The following KDM5B variants were observed in gnomAD, a reference collection of about 807,000 sequenced individuals.
KDM5B encodes lysine demethylase 5B, also known as lysine-specific demethylase 5B.
KDM5B carries 144 observed loss-of-function variants against 193.4 expected under a neutral mutation model. The observed-to-expected ratio is 0.74, with a 90% CI of 0.65 to 0.86. KDM5B has a LOEUF of 0.86. Ranked by LOEUF, KDM5B falls within the 40% of genes least tolerant of loss-of-function variation. The pLI is 0.00. For synonymous variants in KDM5B, 668 were observed against 682.6 expected (o/e 0.98, Z 0.33); for missense variants, 1,833 against 1,886.9 (o/e 0.97, Z 0.53).
intron 1 of KDM5B, among the ~76,000 whole-genome samples, chr1:202,782,814 C>T (rs937525912): frequency 1.3e-5 from 2 of 152,212 alleles, no homozygotes; most frequent in Admixed American, 6.5e-5. Flanking sequence ...TTGCAGATTA[C>T]ATGCAGTTCC....
chr1:202,784,764 G>A (rs1021628233), intron 1 of KDM5B, among the ~76,000 whole-genome samples: 1 of 152,208 alleles, frequency 6.6e-6, no homozygotes, highest in African/African-American at 2.4e-5. Context: ...ACAGGGCCAG[G>A]AACGGTGGCT....
In KDM5B at chr1:202,731,915, A is replaced by G; in HGVS notation, c.3934T>C (p.Ser1312Pro). ...TCCCAGTCATCAGGCAAAGAAAATG[A>G]TGTTGTGCCAGGAGGTTGAGATACC... is the stretch of plus-strand genomic sequence containing the variant. ...NKVSQPPGTT[S>P]FSLPDDWDNR... Residue 1312 changes from serine to proline, a missense_variant, in exon 24 of 27, where the codon TCA (serine) becomes CCA (proline). By Grantham distance (74) the Ser-to-Pro change is moderately conservative (BLOSUM62 -1). Transcript: ENST00000367265. 1 of 1,613,122 alleles carries G rather than the reference A, an allele frequency of 6.2e-7. No homozygotes were observed. The highest frequency in any genetic ancestry group is 1.1e-5 in the South Asian group (1 of 90,944).
Position 202,746,342 on chromosome 1 carries a change from T to G in KDM5B, c.2017-19A>C, listed in dbSNP as rs764187163. 3.0e-5 allele frequency: 46 copies of G among 1,547,852 alleles called. No homozygotes were observed. The highest frequency in any genetic ancestry group is 1.7e-4 in the Middle Eastern group (1 of 5,836). ...TCACTCCCTAGAATAAAGTATACTT[T>G]AGAGAGACCTCCAAAGGATAATATA... On this transcript the variant is annotated intron_variant, in intron 14 of 26. Coordinates refer to ENST00000367265, the MANE Select transcript of KDM5B (RefSeq NM_006618.5).
chr1:202,741,265 C>G, intron 19 of KDM5B, 102 bp downstream of exon 19: 2 of 721,638 alleles, frequency 2.8e-6, no homozygotes, highest in South Asian at 2.7e-5. Context: ...GCATAATAAC[C>G]GCAGCTACTG....
rs553867297 is a variant in KDM5B, at chr1:202,732,521, T to G, written c.3910-582A>C. 5.3e-5 allele frequency among the ~76,000 whole-genome samples: 8 copies of G among 152,302 alleles called. No homozygotes were observed. In the East Asian group the frequency reaches 1.5e-3, roughly 29 times the overall value. On this transcript the variant is annotated intron_variant, in intron 23 of 26. Coordinates refer to ENST00000367265, the MANE Select transcript of KDM5B (RefSeq NM_006618.5). ...GAGTGTGCACAAATGCCACAACTCA[T>G]CTATGCAACAAATATTTAATTCATC...
chr1:202,782,503 C>T lies in KDM5B; in HGVS notation c.205-5409G>A, dbSNP rs115089580. Among the ~76,000 whole-genome samples, 200 of 152,222 alleles carry T rather than the reference C, an allele frequency of 1.3e-3. 2 individuals are homozygous for T. Among genetic ancestry groups the T allele is most frequent in the Middle Eastern group, 3.4e-3 (1 of 294 alleles). ...GTGTGAGGCATGGCAGAAGCCAAGC[C>T]ATGACTTTTAAATGGGGGGTAGGGG... is the stretch of plus-strand genomic sequence containing the variant. On this transcript the variant is annotated intron_variant, in intron 1 of 26. Coordinates refer to ENST00000367265, the MANE Select transcript of KDM5B (RefSeq NM_006618.5).
intron 5 of KDM5B, among the ~76,000 whole-genome samples, 156 bp from the exon 6 acceptor site, chr1:202,764,301 C>G (rs538560055): frequency 1.3e-5 from 2 of 152,240 alleles, no homozygotes; most frequent in South Asian, 4.1e-4. Flanking sequence ...AGAGAGCTCA[C>G]CTTTGAAACT....
chr1:202,752,543 T>C (rs1655834685), intron 12 of KDM5B, among the ~76,000 whole-genome samples: 1 of 152,224 alleles, frequency 6.6e-6, no homozygotes, highest in Non-Finnish European at 1.5e-5. Flanking sequence ...TGTATAGTTG[T>C]CACTTCATTT....
rs1024505285 is a variant in KDM5B, at chr1:202,767,377, C to G, written c.577-317G>C. On this transcript the variant is annotated intron_variant, in intron 4 of 26. Coordinates refer to ENST00000367265, the MANE Select transcript of KDM5B (RefSeq NM_006618.5). ...AGGGCCCTCCTCACAGTGGCTCCTA[C>G]GGACCACAGAGGCTGTGAACCTCCG... is the stretch of plus-strand genomic sequence containing the variant. 6.6e-6 allele frequency: 10 copies of G among 1,514,118 alleles called. No individual in the cohort carries two copies. The East Asian group carries it at 1.1e-4, about 17-fold the overall frequency. The allele number at this position is 1,514,118 out of a possible 1,614,324, so 93.8% of individuals were successfully genotyped here. A position where few individuals can be genotyped will look rare whatever the true frequency, so the allele number is the denominator to read the frequency against.
intron 1 of KDM5B, 135 bp downstream of exon 1, chr1:202,807,967 T>C: frequency 1.2e-6 from 1 of 857,986 alleles, no homozygotes; most frequent in Non-Finnish European, 1.7e-6. Context: ...TCCGACCTTC[T>C]AGGCAGCCCC....
Position 202,729,136 on chromosome 1 carries a change from C to G in KDM5B, c.4535G>C (p.Trp1512Ser). ...GACACCAACACAGACCTGATGAAACCACTGATTGCAGCTGCCATCACACTG... is the reference window on the plus strand; with the variant it reads ...GACACCAACACAGACCTGATGAAACGACTGATTGCAGCTGCCATCACACTG... ...WVQCDGSCNQ[W>S]FHQVCVGVSP... The change falls in exon 27 of 27, where the codon TGG becomes TCG. Residue 1512 changes from tryptophan to serine, a missense_variant. This residue lies in a region of KDM5B where 1,379 missense variants were observed against 1,349.6 expected (regional missense o/e 1.02). Coordinates refer to ENST00000367265, the MANE Select transcript of KDM5B (RefSeq NM_006618.5). 6.2e-7 allele frequency: 1 copy of G among 1,614,138 alleles called. No individual in the cohort carries two copies. Among genetic ancestry groups the G allele is most frequent in the Non-Finnish European group, 8.5e-7 (1 of 1,180,002 alleles).
chr1:202,730,841 G>A (rs1005726493), intron 25 of KDM5B, 68 bp downstream of exon 25: 10 of 1,445,904 alleles, frequency 6.9e-6, no homozygotes, highest in South Asian at 2.8e-5. Flanking sequence ...GTTATGTTTC[G>A]AGGAGTAAAA....
At chr1:202,772,080 T>C (rs1656743804) in intron 4 of KDM5B, among the ~76,000 whole-genome samples, 1 of 152,158 alleles carries the variant, frequency 6.6e-6, no homozygotes, top group African/African-American at 2.4e-5. Context: ...GTGTATAGTA[T>C]TAGGACAGGA....
rs1361532994 is a variant in KDM5B, at chr1:202,727,231, A to G, written c.*1805T>C. 9 of 152,206 alleles carry G rather than the reference A, an allele frequency of 5.9e-5. No homozygotes were observed. Among genetic ancestry groups the G allele is most frequent in the Admixed American group, 5.9e-4 (9 of 15,278 alleles). 9.4% of individuals were successfully genotyped at this position (152,206 alleles called of 1,614,324 possible). On this transcript the variant is annotated 3_prime_UTR_variant, in exon 27 of 27. Coordinates refer to ENST00000367265, the MANE Select transcript of KDM5B (RefSeq NM_006618.5). The stretch of plus-strand genomic sequence containing the variant: ...TGAGGACTGGGACAGTTGGCATCCT[A>G]TCTCAAAGTCGGGGGTGATGGAGGG...
intron 1 of KDM5B, among the ~76,000 whole-genome samples, chr1:202,780,753 G>A (rs902880242): frequency 1.4e-4 from 21 of 148,652 alleles, no homozygotes; most frequent in African/African-American, 4.9e-4. Flanking sequence ...CATGTATTAG[G>A]TTGGTGCAAA....
At chr1:202,743,075 C>A (rs529173616) in intron 16 of KDM5B, among the ~76,000 whole-genome samples, 1 of 152,188 alleles carries the variant, frequency 6.6e-6, no homozygotes, top group East Asian at 1.9e-4. Flanking sequence ...GTGGCTCACG[C>A]CTGTAAATCC....
At chr1:202,743,848 G>A (rs1655447572) in intron 16 of KDM5B, among the ~76,000 whole-genome samples, 1 of 152,130 alleles carries the variant, frequency 6.6e-6, no homozygotes, top group Non-Finnish European at 1.5e-5. Context: ...TAACTCAAGA[G>A]GAATGAAAGA....
At chr1:202,772,084 G>A (rs1656744186) in intron 4 of KDM5B, among the ~76,000 whole-genome samples, 1 of 152,136 alleles carries the variant, frequency 6.6e-6, no homozygotes, top group Non-Finnish European at 1.5e-5. Context: ...ATAGTATTAG[G>A]ACAGGACTTT....
At chr1:202,792,345 G>A (rs1657674914) in intron 1 of KDM5B, among the ~76,000 whole-genome samples, 1 of 151,530 alleles carries the variant, frequency 6.6e-6, no homozygotes, top group Non-Finnish European at 1.5e-5. Flanking sequence ...TTCCGGAGGA[G>A]CTTTTTAAAA....
Sources: allele counts gnomAD v4.1 joint callset (sites outside exome capture counted in the v4.1 genomes callset), GRCh38; gene constraint gnomAD v4.1.1; regional missense constraint gnomAD v4.1.1; transcripts MANE v1.5; gene names NCBI Gene and HGNC (gene_info 2026-07-23, HGNC 2026-07-21).